The following LIN7A variants were observed in gnomAD, a reference collection of about 807,000 sequenced individuals.
LIN7A encodes the protein protein lin-7 homolog A.
LIN7A carries 25 observed loss-of-function variants against 29.8 expected under a neutral mutation model. The observed-to-expected ratio is 0.84, with a 90% confidence interval of 0.61 to 1.17. LIN7A has a LOEUF of 1.17. Ranked by LOEUF, LIN7A falls within the 50% of genes most tolerant of loss-of-function variation. LIN7A has a pLI of 0.00. For synonymous variants in LIN7A, 118 were observed against 107.5 expected (o/e 1.10, Z -0.60); for missense variants, 239 against 287.0 (o/e 0.83, Z 1.21).
At chr12:80,828,740 C>G (rs1179415335) in intron 4 of LIN7A, among the ~76,000 whole-genome samples, 1 of 152,080 alleles carries the variant, frequency 6.6e-6, no homozygotes, top group Non-Finnish European at 1.5e-5. Context: ...CTCTTAATCA[C>G]AGCCCTGCAT....
At chr12:80,864,251 C>T (rs1874024774) in intron 2 of LIN7A, among the ~76,000 whole-genome samples, 1 of 151,650 alleles carries the variant, frequency 6.6e-6, no homozygotes, top group Non-Finnish European at 1.5e-5. Context: ...AAGGCTTGAC[C>T]CCACTGCTCT....
intron 4 of LIN7A, chr12:80,842,209 C>T: frequency 1.0e-6 from 1 of 993,072 alleles, no homozygotes; most frequent in African/African-American, 1.7e-5. Flanking sequence ...TTCCATCACA[C>T]TTTATAACCT....
chr12:80,921,397 T>C (rs1046065160), intron 1 of LIN7A, among the ~76,000 whole-genome samples: 1 of 109,372 alleles, frequency 9.1e-6, no homozygotes, highest in African/African-American at 5.0e-5. Flanking sequence ...AAGCAACTGA[T>C]GTTTATTTCT....
chr12:80,934,457 C>G (rs1009927070), intron 1 of LIN7A, among the ~76,000 whole-genome samples: 2 of 152,168 alleles, frequency 1.3e-5, no homozygotes, highest in African/African-American at 4.8e-5. Flanking sequence ...CTTGTTCATC[C>G]TTTTGGGGCC....
chr12:80,916,446 A>G (rs1836460419), intron 1 of LIN7A, among the ~76,000 whole-genome samples: 1 of 151,982 alleles, frequency 6.6e-6, no homozygotes, highest in Non-Finnish European at 1.5e-5. Flanking sequence ...CTGTTTGTCC[A>G]ACACTTTAGA....
Position 80,878,376 on chromosome 12 carries a change from G to A in LIN7A, c.201+10875C>T, listed in dbSNP as rs969118562. Among the ~76,000 whole-genome samples, 5 of 152,238 alleles carry A rather than the reference G, an allele frequency of 3.3e-5. No homozygotes were observed. In the East Asian group the frequency reaches 9.7e-4, roughly 29 times the overall value. On this transcript the variant is annotated intron_variant, in intron 2 of 5. Transcript: ENST00000552864. The stretch of plus-strand genomic sequence containing the variant: ...TGGGTGATGTAGTCATTCTCTTTTT[G>A]TAATTCCTCTGATAAAATGATAAAT...
At chr12:80,912,713 C>CAAAAAAAAAAAAAAAAAAAA (rs5799498) in intron 1 of LIN7A, among the ~76,000 whole-genome samples, 2 of 135,356 alleles carry the variant, frequency 1.5e-5, no homozygotes, top group African/African-American at 6.1e-5. Context: ...AGACTTGTCT[C>CAAAAAAAAAAAAAAAAAAAA]AAAAAAAAAA....
chr12:80,819,286 T>A (rs138243020), intron 4 of LIN7A, among the ~76,000 whole-genome samples: 144 of 152,358 alleles, frequency 9.5e-4, no homozygotes, highest in African/African-American at 3.3e-3. Context: ...GTTTCATCTT[T>A]CCCTTTTTTC....
chr12:80,884,912 A>G lies in LIN7A; in HGVS notation c.201+4339T>C, dbSNP rs954520550. Among the ~76,000 whole-genome samples, 5 of 152,290 alleles carry G rather than the reference A, an allele frequency of 3.3e-5. No homozygotes were observed. In the Middle Eastern group the frequency reaches 0.01, roughly 311 times the overall value. ...AACAGACCACTGTTAGCAGCACATC[A>G]TCCTCCAGGTCAATGAGCACATCAT... On this transcript the variant is annotated intron_variant, in intron 2 of 5. Transcript: ENST00000552864.
intron 2 of LIN7A, among the ~76,000 whole-genome samples, chr12:80,863,406 T>C (rs955770924): frequency 6.6e-6 from 1 of 152,214 alleles, no homozygotes; most frequent in Non-Finnish European, 1.5e-5. Context: ...ACAGTCAATG[T>C]GTCGGCTTAA....
At chr12:80,925,560 T>C (rs889125356) in intron 1 of LIN7A, among the ~76,000 whole-genome samples, 2 of 152,220 alleles carry the variant, frequency 1.3e-5, no homozygotes, top group African/African-American at 4.8e-5. Context: ...TTAACTCATT[T>C]AAAACCAACA....
rs1483675685 is a variant in LIN7A, at chr12:80,793,307, A to G, written c.*4420T>C. 6.6e-6 allele frequency: 1 copy of G among 152,244 alleles called. No homozygotes were observed. The highest frequency in any genetic ancestry group is 1.5e-5 in the Non-Finnish European group (1 of 68,042). The allele number at this position is 152,244 out of a possible 1,614,324, so 9.4% of individuals were successfully genotyped here. A position where few individuals can be genotyped will look rare whatever the true frequency, so the allele number is the denominator to read the frequency against. The stretch of plus-strand genomic sequence containing the variant: ...AAATAGAGCTGCATAAATGTTAGTT[A>G]TGAATAAATTACTTACCTACCTCAC... On this transcript the variant is annotated 3_prime_UTR_variant, in exon 6 of 6. Coordinates refer to ENST00000552864, the MANE Select transcript of LIN7A (RefSeq NM_004664.4).
chr12:80,908,579 A>G (rs537443035), intron 1 of LIN7A, among the ~76,000 whole-genome samples: 10 of 152,196 alleles, frequency 6.6e-5, no homozygotes, highest in African/African-American at 1.9e-4. Flanking sequence ...TACTGATGCA[A>G]GAAGAGCCAT....
intron 1 of LIN7A, among the ~76,000 whole-genome samples, chr12:80,918,483 A>T (rs887579183): frequency 6.6e-6 from 1 of 152,058 alleles, no homozygotes; most frequent in African/African-American, 2.4e-5. Flanking sequence ...TATTGACCTC[A>T]GGCATAGGGC....
intron 1 of LIN7A, among the ~76,000 whole-genome samples, chr12:80,923,551 A>G (rs1417486412): frequency 6.6e-6 from 1 of 152,154 alleles, no homozygotes; most frequent in African/African-American, 2.4e-5. Context: ...AATATATTAC[A>G]TTTTTAAATT....
chr12:80,892,140 C>T (rs1407048636), intron 1 of LIN7A, among the ~76,000 whole-genome samples: 1 of 152,202 alleles, frequency 6.6e-6, no homozygotes, highest in Non-Finnish European at 1.5e-5. Flanking sequence ...ACATCTCCCT[C>T]CTTTATCTCT....
At chr12:80,928,280 C>A (rs1565932949) in intron 1 of LIN7A, among the ~76,000 whole-genome samples, 1 of 152,060 alleles carries the variant, frequency 6.6e-6, no homozygotes, top group Non-Finnish European at 1.5e-5. Flanking sequence ...GAGGGATCGC[C>A]ACACTGTCTT....
chr12:80,833,833 T>C (rs1436017026), intron 4 of LIN7A, among the ~76,000 whole-genome samples: 1 of 152,146 alleles, frequency 6.6e-6, no homozygotes, highest in African/African-American at 2.4e-5. Flanking sequence ...GCAGAAGGTG[T>C]TGTTTGCTTG....
Position 80,793,336 on chromosome 12 carries a change from G to C in LIN7A, c.*4391C>G, listed in dbSNP as rs1445463893. ...ATAAATTACTTACCTACCTCACTGG[G>C]GTATAACCGTGGTTTATAGATAAAC... On this transcript the variant is annotated 3_prime_UTR_variant, in exon 6 of 6. Transcript: ENST00000552864. The C allele has an allele frequency of 3.9e-5, 6 of 152,100 alleles. No individual in the cohort carries two copies. The highest frequency in any genetic ancestry group is 1.4e-4 in the African/African-American group (6 of 41,420). The allele number at this position is 152,100 out of a possible 1,614,324, so 9.4% of individuals were successfully genotyped here.
Sources: gnomAD v4.1 joint callset for allele counts (sites outside exome capture counted in the v4.1 genomes callset) on GRCh38, gnomAD v4.1.1 for gene constraint, MANE v1.5 for transcripts, NCBI Gene and HGNC (gene_info 2026-07-23, HGNC 2026-07-21) for gene names.